The following WWC2 variants were observed in gnomAD, a reference collection of about 807,000 sequenced individuals.
WWC2 encodes the protein WW and C2 domain containing 2, also known as protein WWC2.
Under a neutral mutation model 138.5 loss-of-function variants are expected in WWC2, and 101 were observed. That is an observed-to-expected ratio of 0.73 (90% CI 0.62 to 0.86). The LOEUF is 0.86. Among genes scored for constraint, WWC2 ranks in the 40% least tolerant of loss-of-function variants. The pLI, the probability that WWC2 is intolerant of heterozygous loss-of-function variation, is 0.00. For synonymous variants in WWC2, 558 were observed against 538.4 expected (o/e 1.04, Z -0.50); for missense variants, 1,420 against 1,419.4 (o/e 1.00, Z -0.01).
chr4:183,295,920 T>A (rs1204737656), intron 21 of WWC2, among the ~76,000 whole-genome samples: 1 of 152,218 alleles, frequency 6.6e-6, no homozygotes, highest in Non-Finnish European at 1.5e-5. Flanking sequence ...TGAACTAAAT[T>A]GCCTTGTAAG....
At chr4:183,108,731 C>G (rs1363946745) in intron 1 of WWC2, among the ~76,000 whole-genome samples, 2 of 152,120 alleles carry the variant, frequency 1.3e-5, no homozygotes, top group Non-Finnish European at 2.9e-5. Context: ...CTGCCTCAGC[C>G]TCCCCAGTAG....
At chr4:183,126,683 T>G (rs1353973035) in intron 1 of WWC2, among the ~76,000 whole-genome samples, 1 of 152,152 alleles carries the variant, frequency 6.6e-6, no homozygotes, top group Non-Finnish European at 1.5e-5. Flanking sequence ...AGGAAAACTG[T>G]GATTTGGAAA....
At chr4:183,282,652 C>T in intron 17 of WWC2, 56 bp from the exon 18 acceptor site, 2 of 1,503,930 alleles carry the variant, frequency 1.3e-6, no homozygotes, top group Non-Finnish European at 1.8e-6. Context: ...GCCCAGGTTG[C>T]GTGTTCATGG....
intron 1 of WWC2, among the ~76,000 whole-genome samples, chr4:183,147,250 T>C (rs1354059569): frequency 6.6e-6 from 1 of 152,252 alleles, no homozygotes; most frequent in Non-Finnish European, 1.5e-5. Flanking sequence ...CATCATTTAC[T>C]TCTCACAGAC....
At chr4:183,281,154 CT>C (rs35130484) in intron 17 of WWC2, 132,082 of 386,196 alleles carry the variant, frequency 0.34, 11,849 homozygotes, top group Admixed American at 0.43. Context: ...TTTTCTGAGC[CT>C]TTTTTTTTTT....
intron 1 of WWC2, among the ~76,000 whole-genome samples, chr4:183,152,782 C>T (rs1462792409): frequency 6.6e-6 from 1 of 151,664 alleles, no homozygotes; most frequent in Non-Finnish European, 1.5e-5. Context: ...ACTCAGGAGG[C>T]TGAGGCAGGA....
chr4:183,240,372 T>TA, intron 5 of WWC2, 110 bp downstream of exon 5: 1 of 778,832 alleles, frequency 1.3e-6, no homozygotes, highest in African/African-American at 2.0e-5. Context: ...AAACGTAAAG[T>TA]AAAAAAGTTC....
chr4:183,187,418 G>C (rs1157803081), intron 1 of WWC2, among the ~76,000 whole-genome samples: 1 of 151,408 alleles, frequency 6.6e-6, no homozygotes. Context: ...GCTGGGCATG[G>C]TGGCACGCAC....
At chr4:183,131,973 T>C (rs1369236933) in intron 1 of WWC2, among the ~76,000 whole-genome samples, 1 of 152,202 alleles carries the variant, frequency 6.6e-6, no homozygotes, top group African/African-American at 2.4e-5. Flanking sequence ...TCCACACCAG[T>C]TTCTTCTATA....
intron 4 of WWC2, among the ~76,000 whole-genome samples, chr4:183,220,695 G>C (rs550777743): frequency 6.6e-6 from 1 of 152,006 alleles, no homozygotes; most frequent in South Asian, 2.1e-4. Context: ...GTAGCCGGGC[G>C]TGGTGGCGGG....
At chr4:183,129,183 A>G (rs1263842404) in intron 1 of WWC2, among the ~76,000 whole-genome samples, 1 of 152,258 alleles carries the variant, frequency 6.6e-6, no homozygotes, top group Non-Finnish European at 1.5e-5. Flanking sequence ...TTTAGAGCTA[A>G]CGGCTTAAAG....
In WWC2 at chr4:183,315,989, C is replaced by T. The variant is rs114945702; in HGVS notation, c.*260C>T. 296 of 348,028 alleles carry T rather than the reference C, an allele frequency of 8.5e-4. 2 individuals carry two copies. Among genetic ancestry groups the T allele is most frequent in the African/African-American group, 5.7e-3 (272 of 47,716 alleles). The allele number at this position is 348,028 out of a possible 1,614,324, so 21.6% of individuals were successfully genotyped here. A position where few individuals can be genotyped will look rare whatever the true frequency, so the allele number is the denominator to read the frequency against. ...GTACACAAATGTTGCCCAGTATGTG[C>T]GCATTGCCAGTGGACTTCATTTTGT... On this transcript the variant is annotated 3_prime_UTR_variant, in exon 23 of 23. Transcript: ENST00000403733.
intron 1 of WWC2, among the ~76,000 whole-genome samples, chr4:183,114,298 C>T (rs1281917925): frequency 6.6e-6 from 1 of 152,162 alleles, no homozygotes; most frequent in African/African-American, 2.4e-5. Context: ...GAGCAGGTGA[C>T]TGGGGCCATG....
chr4:183,303,943 C>T (rs1034715029), intron 21 of WWC2, among the ~76,000 whole-genome samples: 1 of 151,718 alleles, frequency 6.6e-6, no homozygotes, highest in East Asian at 1.9e-4. Context: ...CTTGAGTGAA[C>T]ATCGCAGCCT....
chr4:183,113,283 G>A (rs945200367), intron 1 of WWC2, among the ~76,000 whole-genome samples: 3 of 151,952 alleles, frequency 2.0e-5, no homozygotes, highest in African/African-American at 7.2e-5. Flanking sequence ...GAAACAGAGG[G>A]AGGAGGGTCT....
intron 21 of WWC2, among the ~76,000 whole-genome samples, chr4:183,311,670 C>A (rs1475582992): frequency 6.6e-6 from 1 of 150,932 alleles, no homozygotes; most frequent in Non-Finnish European, 1.5e-5. Flanking sequence ...AGCTCCACCT[C>A]CCAGGTTCAA....
chr4:183,158,263 T>C (rs2111133934), intron 1 of WWC2, among the ~76,000 whole-genome samples: 1 of 152,120 alleles, frequency 6.6e-6, no homozygotes, highest in Non-Finnish European at 1.5e-5. Context: ...ACAGCGCTTG[T>C]GGAAAAAATG....
intron 21 of WWC2, among the ~76,000 whole-genome samples, chr4:183,307,936 A>G (rs544609191): frequency 6.6e-6 from 1 of 152,362 alleles, no homozygotes; most frequent in South Asian, 2.1e-4. Context: ...TTGTTTGCAC[A>G]TAAGATGGTT....
chr4:183,291,787 T>G (rs553426507), intron 21 of WWC2, among the ~76,000 whole-genome samples: 1 of 152,052 alleles, frequency 6.6e-6, no homozygotes, highest in Admixed American at 6.5e-5. Flanking sequence ...TAATCTCCAT[T>G]GTATAGAGAG....
Sources: allele counts gnomAD v4.1 joint callset (sites outside exome capture counted in the v4.1 genomes callset), GRCh38; gene constraint gnomAD v4.1.1; transcripts MANE v1.5; gene names NCBI Gene and HGNC (gene_info 2026-07-23, HGNC 2026-07-21).